Variants in STXBP5L observed in about 807,000 individuals in gnomAD.
STXBP5L encodes syntaxin binding protein 5L, also known as syntaxin-binding protein 5-like.
Under a neutral mutation model 144.5 loss-of-function variants are expected in STXBP5L, and 65 were observed. The observed-to-expected ratio is 0.45, with a 90% CI of 0.37 to 0.55. The LOEUF is 0.55. STXBP5L is among the 20% of genes least tolerant of loss of function. The pLI is 0.00. For missense variants in STXBP5L, 1,298 were observed against 1,405.5 expected (o/e 0.92, Z 1.22); for synonymous variants, 505 against 469.6 (o/e 1.08, Z -0.97).
chr3:121,356,500 G>A (rs1362846986), intron 20 of STXBP5L, among the ~76,000 whole-genome samples: 1 of 152,250 alleles, frequency 6.6e-6, no homozygotes, highest in Non-Finnish European at 1.5e-5. Context: ...GCTGAACCAG[G>A]CACAGGAGAG....
intron 18 of STXBP5L, among the ~76,000 whole-genome samples, chr3:121,277,345 G>A (rs2050916699): frequency 6.6e-6 from 1 of 151,890 alleles, no homozygotes; most frequent in African/African-American, 2.4e-5. Flanking sequence ...CAATCATCTT[G>A]GGGGTTAAGT....
chr3:121,101,546 A>G (rs917924607), intron 5 of STXBP5L, among the ~76,000 whole-genome samples: 32 of 152,146 alleles, frequency 2.1e-4, no homozygotes, highest in African/African-American at 7.5e-4. Context: ...CATAATAAGA[A>G]ACATCAACAA....
At chr3:121,094,187 TCC>T (rs2042987508) in intron 5 of STXBP5L, among the ~76,000 whole-genome samples, 1 of 152,190 alleles carries the variant, frequency 6.6e-6, no homozygotes, top group Non-Finnish European at 1.5e-5. Context: ...GAGCTTTACT[TCC>T]AACTATGTGG....
At chr3:121,318,401 T>C in intron 19 of STXBP5L, 74 bp from the exon 20 acceptor site, 1 of 1,157,992 alleles carries the variant, frequency 8.6e-7, no homozygotes, top group Non-Finnish European at 1.2e-6. Flanking sequence ...TTTAAACTTG[T>C]AGGAATTAAG....
At chr3:120,977,041 T>C (rs1941124835) in intron 3 of STXBP5L, among the ~76,000 whole-genome samples, 1 of 152,146 alleles carries the variant, frequency 6.6e-6, no homozygotes, top group African/African-American at 2.4e-5. Flanking sequence ...GGTGGAGAGT[T>C]CTGTAGATGT....
intron 10 of STXBP5L, among the ~76,000 whole-genome samples, chr3:121,221,037 A>G (rs1332453384): frequency 6.6e-6 from 1 of 151,514 alleles, no homozygotes; most frequent in Non-Finnish European, 1.5e-5. Flanking sequence ...GTAGATCTCA[A>G]TTTTCTTTTG....
intron 3 of STXBP5L, 41 bp from the exon 4 acceptor site, chr3:121,041,659 G>T (rs1192631693): frequency 1.4e-6 from 2 of 1,407,426 alleles, no homozygotes; most frequent in Non-Finnish European, 2.0e-6. Flanking sequence ...TAATATTGGT[G>T]CTAATTAAAA....
chr3:121,169,887 A>G (rs1388240875), intron 9 of STXBP5L, among the ~76,000 whole-genome samples: 1 of 152,208 alleles, frequency 6.6e-6, no homozygotes, highest in African/African-American at 2.4e-5. Context: ...AATCAACAGA[A>G]TATACATTCT....
chr3:121,199,878 G>T (rs1479032393), intron 9 of STXBP5L, among the ~76,000 whole-genome samples: 1 of 151,896 alleles, frequency 6.6e-6, no homozygotes, highest in Non-Finnish European at 1.5e-5. Flanking sequence ...TGCTGGATTT[G>T]GTCTGCCAGT....
intron 22 of STXBP5L, among the ~76,000 whole-genome samples, chr3:121,381,939 T>C (rs1427241818): frequency 1.3e-5 from 2 of 152,136 alleles, no homozygotes; most frequent in Admixed American, 6.6e-5. Flanking sequence ...CTAGAAGCTA[T>C]CTGACCTAAG....
At chr3:121,191,560 G>T (rs2047684974) in intron 9 of STXBP5L, among the ~76,000 whole-genome samples, 1 of 151,934 alleles carries the variant, frequency 6.6e-6, no homozygotes, top group African/African-American at 2.4e-5. Context: ...GAGGGAGAGG[G>T]ATAGGGAGAT....
chr3:121,206,447 T>C (rs1210093029), intron 10 of STXBP5L, among the ~76,000 whole-genome samples: 3 of 152,208 alleles, frequency 2.0e-5, no homozygotes, highest in Non-Finnish European at 2.9e-5. Context: ...TAATAAAAAG[T>C]ACTAAATTTT....
Position 121,279,862 on chromosome 3 carries a change from A to G in STXBP5L, c.2016A>G (p.Val672=), listed in dbSNP as rs1244600106. 1 of 1,612,746 alleles carries G rather than the reference A, an allele frequency of 6.2e-7. No individual in the cohort carries two copies. ...LAVVDFIQKT[V]LLSMGTIDLY... is the part of the protein sequence containing the mutation. The stretch of plus-strand genomic sequence containing the variant: ...TGGTGGATTTTATACAGAAGACAGT[A>G]CTGTTAAGCATGGGGACCATTGACC... The change falls in exon 19 of 27, where the codon GTA becomes GTG. Residue 672 remains valine, a synonymous_variant. Coordinates refer to ENST00000471454, the MANE Select transcript of STXBP5L (RefSeq NM_001308330.2).
rs954790276 is a variant in STXBP5L, at chr3:121,203,239, C to T, written c.878-2684C>T. 1.1e-4 allele frequency among the ~76,000 whole-genome samples: 17 copies of T among 152,086 alleles called. 1 individual carries two copies. Among genetic ancestry groups the T allele is most frequent in the Admixed American group, 6.6e-5 (1 of 15,256 alleles). Reference sequence around the variant, plus strand: ...TTCTCATAACTCTCCATTGTCTATACTGAAAATAAGTTTAGAGATTGCCAT... The same window carrying T: ...TTCTCATAACTCTCCATTGTCTATATTGAAAATAAGTTTAGAGATTGCCAT... On this transcript the variant is annotated intron_variant, in intron 9 of 26. Coordinates refer to ENST00000471454, the MANE Select transcript of STXBP5L (RefSeq NM_001308330.2).
At chr3:120,962,793 T>A (rs2107746844) in intron 3 of STXBP5L, among the ~76,000 whole-genome samples, 1 of 152,142 alleles carries the variant, frequency 6.6e-6, no homozygotes, top group South Asian at 2.1e-4. Flanking sequence ...CTTTAAATAG[T>A]TTTTCCAATT....
intron 5 of STXBP5L, among the ~76,000 whole-genome samples, chr3:121,078,605 G>T (rs2042123678): frequency 6.6e-6 from 1 of 152,248 alleles, no homozygotes; most frequent in Admixed American, 6.5e-5. Flanking sequence ...GGGGAGGCTT[G>T]GGCCACACAG....
At chr3:121,147,681 A>G (rs1406755812) in intron 7 of STXBP5L, among the ~76,000 whole-genome samples, 6 of 152,166 alleles carry the variant, frequency 3.9e-5, no homozygotes, top group African/African-American at 1.4e-4. Context: ...ACATCATTCT[A>G]AAGGTTTAGG....
At chr3:121,417,766 C>G (rs1204586909) in intron 25 of STXBP5L, among the ~76,000 whole-genome samples, 2 of 152,304 alleles carry the variant, frequency 1.3e-5, no homozygotes, top group African/African-American at 2.4e-5. Flanking sequence ...TGCCCAGCCA[C>G]AAATTTTTAA....
intron 3 of STXBP5L, among the ~76,000 whole-genome samples, chr3:120,968,350 TA>T (rs2107780741): frequency 6.6e-6 from 1 of 152,304 alleles, no homozygotes; most frequent in East Asian, 1.9e-4. Flanking sequence ...CATCATCATA[TA>T]ATGACCTTCT....
Sources: allele counts gnomAD v4.1 joint callset (sites outside exome capture counted in the v4.1 genomes callset), GRCh38; gene constraint gnomAD v4.1.1; transcripts MANE v1.5; gene names NCBI Gene and HGNC (gene_info 2026-07-23, HGNC 2026-07-21).